The following CTNNA2 variants were observed in gnomAD, a reference collection of about 807,000 sequenced individuals.
CTNNA2 encodes catenin alpha-2.
CTNNA2 carries 42 observed loss-of-function variants against 101.0 expected under a neutral mutation model. The ratio of observed to expected loss-of-function variants is 0.42; its 90% CI spans 0.32 to 0.54. The LOEUF (loss-of-function observed/expected upper bound fraction) is 0.54. Among genes scored for constraint, CTNNA2 ranks in the 20% least tolerant of loss-of-function variants. The pLI is 0.14. For missense variants in CTNNA2, 871 were observed against 1,223.1 expected, an observed-to-expected ratio of 0.71 and a Z score of 4.29; for synonymous variants, 450 against 456.4, an observed-to-expected ratio of 0.99 and a Z score of 0.18.
At position 80,347,843 on chromosome 2, in the gene CTNNA2, C is replaced by CT. The variant is rs1244814935; in HGVS notation, c.1057-45357dup. ...TATCTTTTCCTTTTTCTTTTCTTTT[C>CT]TTTTTTTTTTTCCAGAAGGGTTGTT... On this transcript the variant is annotated intron_variant, in intron 7 of 18. Coordinates refer to ENST00000402739, the MANE Select transcript of CTNNA2 (RefSeq NM_001282597.3). 3.1e-3 allele frequency among the ~76,000 whole-genome samples: 453 copies of CT among 145,724 alleles called. 1 individual carries two copies. The highest frequency in any genetic ancestry group is 3.9e-3 in the East Asian group (19 of 4,900).
intron 2 of CTNNA2, among the ~76,000 whole-genome samples, chr2:79,204,431 A>G (rs1378058426): frequency 6.6e-6 from 1 of 152,172 alleles, no homozygotes; most frequent in East Asian, 1.9e-4. Context: ...TTCTAGTTAT[A>G]TAAGGAACTG....
At chr2:80,547,750 C>G (rs113432829) in intron 11 of CTNNA2, among the ~76,000 whole-genome samples, 3,425 of 133,962 alleles carry the variant, frequency 0.026, 148 homozygotes, top group African/African-American at 0.094. Context: ...AGTGCAATGG[C>G]GCGATCTTGA....
intron 4 of CTNNA2, among the ~76,000 whole-genome samples, chr2:79,860,022 A>C (rs1681467831): frequency 6.6e-6 from 1 of 152,172 alleles, no homozygotes. Flanking sequence ...GTGTAAGATC[A>C]CTGGAACCAC....
intron 2 of CTNNA2, among the ~76,000 whole-genome samples, chr2:79,688,922 C>T (rs776055881): frequency 6.6e-6 from 1 of 151,984 alleles, no homozygotes; most frequent in Non-Finnish European, 1.5e-5. Context: ...AGCATGGTGG[C>T]TTGTCTCTGT....
chr2:79,196,006 G>A (rs1472092928), intron 1 of CTNNA2, among the ~76,000 whole-genome samples: 2 of 152,024 alleles, frequency 1.3e-5, no homozygotes, highest in African/African-American at 2.4e-5. Context: ...ATGCGATCTC[G>A]GCTCAATGCA....
chr2:80,534,858 T>C (rs1690862290), intron 9 of CTNNA2, among the ~76,000 whole-genome samples: 1 of 152,124 alleles, frequency 6.6e-6, no homozygotes. Flanking sequence ...ACTAGATGCC[T>C]AAAGATGTGT....
At chr2:79,497,701 A>G (rs531911742) in intron 4 of CTNNA2, among the ~76,000 whole-genome samples, 50 of 152,304 alleles carry the variant, frequency 3.3e-4, no homozygotes, top group African/African-American at 1.2e-3. Context: ...TCCAAACAGT[A>G]CTTAAACTGC....
Position 80,402,112 on chromosome 2 carries a change from G to A in CTNNA2, c.1137+8821G>A, listed in dbSNP as rs563721238. Reference sequence around the variant, plus strand: ...CAGGTCCACCTAATTTGCCAGAGTGGCCCACAGAACTCAGGGAAACTGCAC... The same window carrying A: ...CAGGTCCACCTAATTTGCCAGAGTGACCCACAGAACTCAGGGAAACTGCAC... On this transcript the variant is annotated intron_variant, in intron 8 of 18. Transcript: ENST00000402739. Among the ~76,000 whole-genome samples the A allele has an allele frequency of 6.6e-5, 10 of 152,214 alleles. No homozygotes were observed. The East Asian group carries it at 1.7e-3, about 27-fold the overall frequency.
chr2:79,476,968 T>C (rs1671056703), intron 4 of CTNNA2, among the ~76,000 whole-genome samples: 1 of 152,092 alleles, frequency 6.6e-6, no homozygotes, highest in South Asian at 2.1e-4. Flanking sequence ...TCATATGACC[T>C]TGGTCATAAG....
intron 2 of CTNNA2, among the ~76,000 whole-genome samples, chr2:79,290,170 G>T (rs1458004747): frequency 6.6e-6 from 1 of 152,106 alleles, no homozygotes; most frequent in East Asian, 1.9e-4. Flanking sequence ...AGTCTTTTAA[G>T]TATCAAACCA....
chr2:79,668,651 A>G (rs1201086290), intron 2 of CTNNA2, among the ~76,000 whole-genome samples: 1 of 152,192 alleles, frequency 6.6e-6, no homozygotes, highest in Admixed American at 6.5e-5. Context: ...AACTCTTTCC[A>G]CAATTTCACT....
At chr2:80,226,493 C>A (rs575182981) in intron 7 of CTNNA2, among the ~76,000 whole-genome samples, 4 of 152,320 alleles carry the variant, frequency 2.6e-5, no homozygotes, top group South Asian at 4.1e-4. Context: ...ATTTGTGGGG[C>A]TTCTGCCTAT....
chr2:79,642,778 GT>G (rs35537092), intron 1 of CTNNA2, among the ~76,000 whole-genome samples: 59,009 of 144,886 alleles, frequency 0.41, 13,857 homozygotes, highest in East Asian at 0.73. Flanking sequence ...GATTTCTCCT[GT>G]TTTTTTTTTT....
chr2:79,362,912 T>C (rs1193081147), intron 3 of CTNNA2, among the ~76,000 whole-genome samples: 1 of 152,188 alleles, frequency 6.6e-6, no homozygotes, highest in East Asian at 1.9e-4. Context: ...ACCAAAGCAT[T>C]AGTTAGCCTA....
intron 18 of CTNNA2, among the ~76,000 whole-genome samples, chr2:80,632,895 AC>A (rs1341874650): frequency 6.6e-6 from 1 of 152,126 alleles, no homozygotes; most frequent in Non-Finnish European, 1.5e-5. Flanking sequence ...ATTGTTATTA[AC>A]CCCCTTTTAC....
intron 3 of CTNNA2, among the ~76,000 whole-genome samples, chr2:79,813,552 A>G (rs73941320): frequency 1.3e-5 from 2 of 152,312 alleles, no homozygotes; most frequent in East Asian, 1.9e-4. Context: ...ATGATTCACT[A>G]TACCTTCAAT....
chr2:79,871,414 T>C (rs1682570435), intron 5 of CTNNA2, among the ~76,000 whole-genome samples: 2 of 152,102 alleles, frequency 1.3e-5, no homozygotes, highest in African/African-American at 4.8e-5. Flanking sequence ...TTACTCTGAA[T>C]AGTGAGAGAG....
intron 4 of CTNNA2, among the ~76,000 whole-genome samples, chr2:79,451,267 G>A (rs1483825908): frequency 6.6e-6 from 1 of 151,986 alleles, no homozygotes; most frequent in Admixed American, 6.6e-5. Flanking sequence ...GATCCTTTTA[G>A]GATCAAAACA....
At chr2:79,980,788 T>C in intron 7 of CTNNA2, among the ~76,000 whole-genome samples, 1 of 152,196 alleles carries the variant, frequency 6.6e-6, no homozygotes, top group Admixed American at 6.5e-5. Flanking sequence ...AATTTAGAAA[T>C]AAAAGCTGCA....
Sources: gnomAD v4.1 joint callset for allele counts (sites outside exome capture counted in the v4.1 genomes callset) on GRCh38, gnomAD v4.1.1 for gene constraint, MANE v1.5 for transcripts, NCBI Gene and HGNC (gene_info 2026-07-23, HGNC 2026-07-21) for gene names.